The following NME2 variants were observed in gnomAD, a reference collection of about 807,000 sequenced individuals.
The protein encoded by NME2 is NME/NM23 nucleoside diphosphate kinase 2.
In NME2, 18 loss-of-function variants were observed where a neutral mutation model predicts 17.8. That is an observed-to-expected ratio of 1.01 (90% CI 0.70 to 1.50). The LOEUF is 1.50. Among genes scored for constraint, NME2 ranks in the 40% most tolerant of loss-of-function variants. NME2 has a pLI of 0.00. For synonymous variants in NME2, 74 were observed against 71.4 expected, an observed-to-expected ratio of 1.04 and a Z score of -0.19; for missense variants, 161 against 195.6, an observed-to-expected ratio of 0.82 and a Z score of 1.05.
At chr17:51,167,297 G>C in intron 2 of NME2, 1 of 352,204 alleles carries the variant, frequency 2.8e-6, no homozygotes, top group Non-Finnish European at 5.3e-6. Flanking sequence ...GGTCCACCTA[G>C]GCACAGAATG....
intron 3 of NME2, among the ~76,000 whole-genome samples, chr17:51,168,558 C>T (rs941140879): frequency 6.6e-6 from 1 of 152,158 alleles, no homozygotes; most frequent in African/African-American, 2.4e-5. Flanking sequence ...GTAATCTCAG[C>T]TACTTGGGAG....
chr17:51,168,391 G>A (rs1199841970), intron 3 of NME2, 48 bp downstream of exon 3: 1 of 1,591,598 alleles, frequency 6.3e-7, no homozygotes, highest in Non-Finnish European at 8.6e-7. Flanking sequence ...AGTGCTCAGT[G>A]TTCTTTGTTA....
At chr17:51,171,114 G>C (rs1275016087) in intron 4 of NME2, among the ~76,000 whole-genome samples, 2 of 152,220 alleles carry the variant, frequency 1.3e-5, no homozygotes. Flanking sequence ...AAATGCAGCA[G>C]AGCTGGCCTA....
At chr17:51,165,747 G>A (rs1598245591), upstream of NME2, 1 of 152,614 alleles carries the variant, frequency 6.6e-6, no homozygotes, top group East Asian at 1.9e-4. Flanking sequence ...ATGTAGGTGG[G>A]GAGGCGGCAG....
chr17:51,167,082 G>A, intron 2 of NME2, 126 bp downstream of exon 2: 1 of 1,565,832 alleles, frequency 6.4e-7, no homozygotes. Flanking sequence ...TTTGCCCTCT[G>A]CCCCCGCCCA....
Position 51,168,376 on chromosome 17 carries a change from G to A in NME2, c.228+33G>A, listed in dbSNP as rs1398821502. On this transcript the variant is annotated intron_variant, in intron 3 of 4. Coordinates refer to ENST00000512737, the MANE Select transcript of NME2 (RefSeq NM_002512.4). Reference sequence around the variant, plus strand: ...CTCGTGGGGAATGAGAGAAAATGAGGAAAAAGTGCTCAGTGTTCTTTGTTA... The same window carrying A: ...CTCGTGGGGAATGAGAGAAAATGAGAAAAAAGTGCTCAGTGTTCTTTGTTA... 3.1e-6 allele frequency: 5 copies of A among 1,600,664 alleles called. No homozygotes were observed. The Admixed American group carries it at 5.2e-5, about 17-fold the overall frequency.
In NME2 at chr17:51,170,069, G is replaced by GC. The variant is rs1485621789; in HGVS notation, c.341+20_341+21insC. On this transcript the variant is annotated intron_variant, in intron 4 of 4. Transcript: ENST00000512737. ...TGGCAGGTAAGTCCGGGGACAGGAG[G>GC]GTGGATGACTTTTATGCAACACCAT... 6.3e-7 allele frequency: 1 copy of GC among 1,589,948 alleles called. No individual in the cohort carries two copies. Among genetic ancestry groups the GC allele is most frequent in the Non-Finnish European group, 8.6e-7 (1 of 1,167,018 alleles).
chr17:51,167,122 G>T, intron 2 of NME2, 166 bp downstream of exon 2: 1 of 1,433,892 alleles, frequency 7.0e-7, no homozygotes, highest in East Asian at 2.6e-5. Flanking sequence ...ACCCTTTCCC[G>T]GGGTGGTGGG....
At chr17:51,168,416 C>A in intron 3 of NME2, 73 bp downstream of exon 3, 1 of 1,488,256 alleles carries the variant, frequency 6.7e-7, no homozygotes, top group South Asian at 1.2e-5. Context: ...TCTCCCTCAG[C>A]TAATCTAAAT....
chr17:51,169,804 C>G (rs1432530643), intron 3 of NME2, 133 bp from the exon 4 acceptor site: 9 of 768,088 alleles, frequency 1.2e-5, no homozygotes, highest in Non-Finnish European at 1.9e-5. Flanking sequence ...GGCCCCTACT[C>G]TCTGCTGGGG....
At chr17:51,168,010 C>T in intron 2 of NME2, 1 of 274,126 alleles carries the variant, frequency 3.6e-6, no homozygotes, top group Non-Finnish European at 6.9e-6. Context: ...ACCAAAACAA[C>T]ACACCAAAAA....
At chr17:51,169,240 A>T (rs2050015183) in intron 3 of NME2, 1 of 152,098 alleles carries the variant, frequency 6.6e-6, no homozygotes, top group Non-Finnish European at 1.5e-5. Flanking sequence ...CAGGAGTTCA[A>T]GACCAGCCTG....
chr17:51,171,446 C>G, intron 4 of NME2, 41 bp from the exon 5 acceptor site: 1 of 1,583,252 alleles, frequency 6.3e-7, no homozygotes, highest in Non-Finnish European at 8.7e-7. Context: ...CAGACTTTTG[C>G]ACTTTAAAAC....
intron 2 of NME2, chr17:51,167,255 C>T (rs1203453631): frequency 6.6e-6 from 3 of 455,656 alleles, no homozygotes; most frequent in Non-Finnish European, 1.1e-5. Context: ...GGAAAAACCC[C>T]GGGCCCCAGA....
At chr17:51,166,021 G>C (rs1433860203), upstream of NME2, 1 of 152,460 alleles carries the variant, frequency 6.6e-6, no homozygotes, top group Non-Finnish European at 1.5e-5. Context: ...CGGGGAGGGA[G>C]AGCCAAGTCA....
chr17:51,166,774 CG>C, intron 1 of NME2, 52 bp from the exon 2 acceptor site: 2 of 1,512,062 alleles, frequency 1.3e-6, no homozygotes, highest in Non-Finnish European at 1.8e-6. Flanking sequence ...GTGGCCTCCG[CG>C]GGCCCCGCCA....
chr17:51,170,627 C>T (rs2050051971), intron 4 of NME2, among the ~76,000 whole-genome samples: 1 of 151,452 alleles, frequency 6.6e-6, no homozygotes, highest in South Asian at 2.1e-4. Flanking sequence ...CCCGTCTCTA[C>T]TAAAAGTAAA....
At chr17:51,168,103 GTA>G (rs542980136) in intron 2 of NME2, 137 bp from the exon 3 acceptor site, 11,510 of 533,562 alleles carry the variant, frequency 0.022, no homozygotes, top group Middle Eastern at 0.027. Context: ...GTATATGTGT[GTA>G]TATATATATA....
At chr17:51,170,512 G>A (rs775424283) in intron 4 of NME2, among the ~76,000 whole-genome samples, 21 of 151,832 alleles carry the variant, frequency 1.4e-4, no homozygotes, top group Non-Finnish European at 2.5e-4. Context: ...AAAGCTTTCA[G>A]GCCAGGGGTT....
Sources: allele counts gnomAD v4.1 joint callset (sites outside exome capture counted in the v4.1 genomes callset), GRCh38; gene constraint gnomAD v4.1.1; transcripts MANE v1.5; gene names NCBI Gene and HGNC (gene_info 2026-07-23, HGNC 2026-07-21).